The following RMDN2 variants were observed in gnomAD, a reference collection of about 807,000 sequenced individuals.
RMDN2 encodes regulator of microtubule dynamics protein 2.
In RMDN2, 61 loss-of-function variants were observed where a neutral mutation model predicts 52.8. The observed-to-expected ratio is 1.16, with a 90% confidence interval of 0.94 to 1.43. RMDN2 has a LOEUF of 1.43. Among genes scored for constraint, RMDN2 ranks in the 40% most tolerant of loss-of-function variants. The probability of loss-of-function intolerance (pLI) is 0.00; values close to 1 mark genes in which losing one functional copy is unlikely to be tolerated. For missense variants in RMDN2, 592 were observed against 475.3 expected, an observed-to-expected ratio of 1.25 and a Z score of -2.28; for synonymous variants, 180 against 153.1, an observed-to-expected ratio of 1.18 and a Z score of -1.30.
chr2:37,950,544 GGGAA>G lies in RMDN2; in HGVS notation c.452+20818_452+20821del, dbSNP rs749343644. 1.9e-6 allele frequency: 3 copies of G among 1,613,078 alleles called. No individual in the cohort carries two copies. The South Asian group carries it at 3.3e-5, about 18-fold the overall frequency. The stretch of plus-strand genomic sequence containing the variant: ...ATGGCTTAAGGATGACGGCCTAGAA[GGGAA>G]GGGAGAGACTTACTTTGGATTAAAT... On this transcript the variant is annotated intron_variant, in intron 2 of 10. Coordinates refer to ENST00000354545, the MANE Select transcript of RMDN2 (RefSeq NM_001170791.3).
chr2:38,064,149 G>T (rs973951732), intron 10 of RMDN2, among the ~76,000 whole-genome samples: 2 of 152,106 alleles, frequency 1.3e-5, no homozygotes, highest in Non-Finnish European at 2.9e-5. Context: ...TCTTCATAGT[G>T]ACTAAGCAGA....
intron 2 of RMDN2, 106 bp downstream of exon 2, chr2:37,929,835 T>G: frequency 1.4e-6 from 1 of 718,614 alleles, no homozygotes. Flanking sequence ...GCTGCTCACA[T>G]AAAATGAAAA....
chr2:37,962,497 G>A (rs1670379157), intron 2 of RMDN2, among the ~76,000 whole-genome samples: 1 of 152,150 alleles, frequency 6.6e-6, no homozygotes, highest in African/African-American at 2.4e-5. Context: ...ACTGTGTGGG[G>A]AAAACCGCCT....
intron 10 of RMDN2, among the ~76,000 whole-genome samples, chr2:38,042,010 G>A (rs142749559): frequency 1.7e-3 from 256 of 152,236 alleles, no homozygotes; most frequent in African/African-American, 5.6e-3. Flanking sequence ...ACAAGAGATT[G>A]CAGAAAATTG....
intron 5 of RMDN2, among the ~76,000 whole-genome samples, chr2:37,982,457 G>A (rs1376032314): frequency 6.6e-6 from 1 of 152,188 alleles, no homozygotes; most frequent in African/African-American, 2.4e-5. Context: ...TCTGTCATGA[G>A]AGAGTGGAAG....
intron 8 of RMDN2, among the ~76,000 whole-genome samples, chr2:37,999,346 A>G (rs548996310): frequency 6.6e-6 from 1 of 152,332 alleles, no homozygotes; most frequent in African/African-American, 2.4e-5. Context: ...AGGATTATCT[A>G]CATTCTTACA....
chr2:38,027,882 A>G (rs1679896733), intron 10 of RMDN2, among the ~76,000 whole-genome samples: 1 of 152,140 alleles, frequency 6.6e-6, no homozygotes, highest in Non-Finnish European at 1.5e-5. Context: ...TTGGACTGCC[A>G]CTCTCAGACA....
chr2:37,997,703 A>ATTAAGTTATGCC (rs1675759803), intron 8 of RMDN2, 189 bp downstream of exon 8: 1 of 551,978 alleles, frequency 1.8e-6, no homozygotes, highest in South Asian at 2.3e-5. Context: ...CCTTAGAACA[A>ATTAAGTTATGCC]CTAGTTATGC....
At chr2:37,958,537 G>A (rs1669785452) in intron 2 of RMDN2, among the ~76,000 whole-genome samples, 1 of 150,954 alleles carries the variant, frequency 6.6e-6, no homozygotes, top group Admixed American at 6.6e-5. Context: ...GAGTTTTGGG[G>A]CTGAGATGAT....
At chr2:38,031,051 T>G (rs936107776) in intron 10 of RMDN2, among the ~76,000 whole-genome samples, 1 of 151,964 alleles carries the variant, frequency 6.6e-6, no homozygotes, top group Admixed American at 6.6e-5. Context: ...AACATTTAAG[T>G]GTCTCCCATA....
Position 38,007,413 on chromosome 2 carries a change from T to G in RMDN2, c.1179+3197T>G, listed in dbSNP as rs181595238. Among the ~76,000 whole-genome samples the G allele has an allele frequency of 5.9e-3, 903 of 152,352 alleles. 12 individuals are homozygous for G. The highest frequency in any genetic ancestry group is 0.02 in the African/African-American group (847 of 41,574). ...TTATTGGTCTGTTAAGAGATTCAAC[T>G]TCTTCCTGGTTTAGTCTTGGGAGGG... On this transcript the variant is annotated intron_variant, in intron 10 of 10. Transcript: ENST00000354545.
At chr2:37,953,439 G>A (rs778296401) in intron 2 of RMDN2, among the ~76,000 whole-genome samples, 46 of 151,928 alleles carry the variant, frequency 3.0e-4, no homozygotes, top group Non-Finnish European at 4.4e-5. Context: ...GGAATCGTAT[G>A]GTATTTTGTG....
rs1393260816 is a variant in RMDN2 at position 38,036,376 on chromosome 2, A to ATT, written c.1714-30605_1714-30604dup. ...ATCAGTGGTATCCTAATAAAGAAGAATTGTTAGCTTTGAGTTGAGCCTTGT... is the reference window on the plus strand; with the variant it reads ...ATCAGTGGTATCCTAATAAAGAAGAATTTTGTTAGCTTTGAGTTGAGCCTTGT... On this transcript the variant is annotated intron_variant, in intron 10 of 10. Coordinates refer to the RMDN2 transcript ENST00000234195. 4 of 152,152 alleles carry ATT rather than the reference A, an allele frequency of 2.6e-5. No homozygotes were observed. The East Asian group carries it at 7.7e-4, about 29-fold the overall frequency. The allele number at this position is 152,152 out of a possible 1,614,324, so 9.4% of individuals were successfully genotyped here. A position where few individuals can be genotyped will look rare whatever the true frequency, so the allele number is the denominator to read the frequency against.
At chr2:38,038,402 T>C (rs1373106930) in intron 10 of RMDN2, among the ~76,000 whole-genome samples, 2 of 152,226 alleles carry the variant, frequency 1.3e-5, no homozygotes, top group Admixed American at 6.5e-5. Context: ...GATTCAGTTA[T>C]CTCGGTACAA....
chr2:37,989,170 A>T (rs1042778293), intron 5 of RMDN2, among the ~76,000 whole-genome samples: 2 of 152,162 alleles, frequency 1.3e-5, no homozygotes, highest in Non-Finnish European at 2.9e-5. Context: ...TTCTAATTTA[A>T]TGCTTAATGT....
chr2:38,010,297 C>T (rs1045635447), intron 10 of RMDN2, among the ~76,000 whole-genome samples: 1 of 152,198 alleles, frequency 6.6e-6, no homozygotes, highest in South Asian at 2.1e-4. Flanking sequence ...TGGCTAAGCC[C>T]TGCCCCCAGA....
At chr2:37,952,460 G>A in intron 2 of RMDN2, 1 of 477,820 alleles carries the variant, frequency 2.1e-6, no homozygotes, top group Non-Finnish European at 3.7e-6. Context: ...CTTAAAGATG[G>A]GCTAATCTCA....
chr2:37,990,631 A>C (rs960147132), intron 6 of RMDN2, among the ~76,000 whole-genome samples: 4 of 151,920 alleles, frequency 2.6e-5, no homozygotes, highest in Non-Finnish European at 4.4e-5. Flanking sequence ...GGTGGAGGAA[A>C]AGTAGGATCC....
chr2:38,010,907 A>G (rs1021172798), intron 10 of RMDN2, among the ~76,000 whole-genome samples: 1 of 152,216 alleles, frequency 6.6e-6, no homozygotes, highest in African/African-American at 2.4e-5. Context: ...TACATGTACT[A>G]TAAAGTTTTA....
Sources: gnomAD v4.1 joint callset for allele counts (sites outside exome capture counted in the v4.1 genomes callset) on GRCh38, gnomAD v4.1.1 for gene constraint, MANE v1.5 for transcripts, NCBI Gene and HGNC (gene_info 2026-07-23, HGNC 2026-07-21) for gene names.